DENND5B: variants seen among roughly 807,000 people sequenced by gnomAD.
The protein encoded by DENND5B is DENN domain-containing protein 5B.
Under a neutral mutation model 140.6 loss-of-function variants are expected in DENND5B, and 34 were observed. That is an observed-to-expected ratio of 0.24 (90% confidence interval 0.18 to 0.32). DENND5B has a LOEUF of 0.32. DENND5B is among the 10% of genes least tolerant of loss of function. The pLI is 1.00. For synonymous variants in DENND5B, 551 were observed against 562.1 expected (o/e 0.98, Z 0.28); for missense variants, 1,142 against 1,560.2 (o/e 0.73, Z 4.52).
chr12:31,587,668 C>T (rs1175338856), intron 1 of DENND5B, among the ~76,000 whole-genome samples: 2 of 149,330 alleles, frequency 1.3e-5, no homozygotes, highest in East Asian at 2.0e-4. Context: ...CTGCCTCAGC[C>T]TCCAGAGTAA....
chr12:31,556,407 G>A (rs1949282750), intron 1 of DENND5B, among the ~76,000 whole-genome samples: 1 of 151,770 alleles, frequency 6.6e-6, no homozygotes, highest in Non-Finnish European at 1.5e-5. Flanking sequence ...TCACATTGTT[G>A]GTCAGGCTGG....
At chr12:31,579,767 GAGGA>G (rs1565715623) in intron 1 of DENND5B, among the ~76,000 whole-genome samples, 2 of 135,396 alleles carry the variant, frequency 1.5e-5, no homozygotes, top group African/African-American at 5.4e-5. Context: ...GGGAGGAAGG[GAGGA>G]AGGAAGGAAG....
intron 6 of DENND5B, chr12:31,444,255 T>C (rs1322315734): frequency 6.6e-6 from 1 of 152,150 alleles, no homozygotes; most frequent in Non-Finnish European, 1.5e-5. Flanking sequence ...CAGTTTATGT[T>C]GCCCCTTTTC....
intron 4 of DENND5B, among the ~76,000 whole-genome samples, chr12:31,458,243 T>C (rs745431240): frequency 2.3e-4 from 35 of 152,188 alleles, no homozygotes; most frequent in Non-Finnish European, 4.3e-4. Context: ...CAAGCTGCCA[T>C]TTAAAAATCT....
rs1950597904 is a variant in DENND5B, at chr12:31,590,904, G to T, written c.-72C>A. ...GCTTTCTGCGGAGGCTGCCACCACC[G>T]CTCCGGCTGTGGTCTGTGCGCCCGC... On this transcript the variant is annotated 5_prime_UTR_variant, in exon 1 of 21. Coordinates refer to ENST00000389082, the MANE Select transcript of DENND5B (RefSeq NM_144973.4). The T allele has an allele frequency of 8.6e-7, 1 of 1,164,542 alleles. No individual in the cohort carries two copies. The highest frequency in any genetic ancestry group is 1.6e-5 in the African/African-American group (1 of 61,634). The allele number at this position is 1,164,542 out of a possible 1,614,324, so 72.1% of individuals were successfully genotyped here.
rs138187832 is a variant in DENND5B at position 31,506,348 on chromosome 12, A to C, written c.128-10429T>G. On this transcript the variant is annotated intron_variant, in intron 1 of 20. Transcript: ENST00000389082. ...CAGTGGGAGTGGAGAAGGAACAAAG[A>C]AATCTGTAACTGATTGTAATGAATT... 226 of 152,316 alleles carry C rather than the reference A, an allele frequency of 1.5e-3. 1 individual carries two copies. Among genetic ancestry groups the C allele is most frequent in the African/African-American group, 5.0e-3 (206 of 41,560 alleles). The allele number at this position is 152,316 out of a possible 1,614,324, so 9.4% of individuals were successfully genotyped here.
chr12:31,397,165 A>C (rs980870465), intron 17 of DENND5B, among the ~76,000 whole-genome samples: 3 of 152,200 alleles, frequency 2.0e-5, no homozygotes, highest in African/African-American at 7.2e-5. Flanking sequence ...ATATTCATAA[A>C]ATTCACTCCT....
intron 2 of DENND5B, among the ~76,000 whole-genome samples, chr12:31,482,716 A>G (rs534966983): frequency 6.6e-6 from 1 of 151,992 alleles, no homozygotes; most frequent in Non-Finnish European, 1.5e-5. Context: ...GTCAGAAAGT[A>G]ATTGTTTTGA....
At chr12:31,471,919 A>G (rs1356309801) in intron 3 of DENND5B, among the ~76,000 whole-genome samples, 1 of 152,124 alleles carries the variant, frequency 6.6e-6, no homozygotes, top group Non-Finnish European at 1.5e-5. Flanking sequence ...TTACCTTGAG[A>G]AGGGAGACTG....
In DENND5B at chr12:31,572,688, A is replaced by C. The variant is rs115147210; in HGVS notation, c.127+18018T>G. 9.5e-3 allele frequency among the ~76,000 whole-genome samples: 1,450 copies of C among 152,282 alleles called. 26 individuals are homozygous for C. Among genetic ancestry groups the C allele is most frequent in the African/African-American group, 0.033 (1,372 of 41,538 alleles). ...TGTTATCTAAAAAGTGCTTATTATA[A>C]GAAGGTTAAAGCACTGATTCTCTCT... On this transcript the variant is annotated intron_variant, in intron 1 of 20. Transcript: ENST00000389082.
intron 1 of DENND5B, among the ~76,000 whole-genome samples, chr12:31,545,074 T>A (rs1948811229): frequency 6.6e-6 from 1 of 152,080 alleles, no homozygotes; most frequent in Non-Finnish European, 1.5e-5. Context: ...AGCTTCTCAG[T>A]CCATTCATAA....
At chr12:31,534,693 C>A (rs747737124) in intron 1 of DENND5B, 40 of 270,052 alleles carry the variant, frequency 1.5e-4, no homozygotes, top group African/African-American at 8.7e-4. Flanking sequence ...TACTTAGACA[C>A]CTAAAATTAC....
intron 1 of DENND5B, among the ~76,000 whole-genome samples, chr12:31,519,927 T>C (rs2138992562): frequency 6.6e-6 from 1 of 152,312 alleles, no homozygotes; most frequent in East Asian, 1.9e-4. Context: ...AAAGAAACCC[T>C]GCACCTCACC....
At chr12:31,548,337 T>TG (rs1342451141) in intron 1 of DENND5B, among the ~76,000 whole-genome samples, 3 of 151,550 alleles carry the variant, frequency 2.0e-5, no homozygotes. Context: ...AAGGCTGCCG[T>TG]GAGCTGTGAT....
At chr12:31,495,512 G>A (rs972815600) in intron 2 of DENND5B, among the ~76,000 whole-genome samples, 6 of 151,474 alleles carry the variant, frequency 4.0e-5, no homozygotes, top group Non-Finnish European at 7.4e-5. Context: ...CCGAGTAGCT[G>A]GGATTACAGG....
chr12:31,587,709 C>T (rs1202630107), intron 1 of DENND5B, among the ~76,000 whole-genome samples: 3 of 152,088 alleles, frequency 2.0e-5, no homozygotes, highest in South Asian at 2.1e-4. Context: ...GCCACCACGC[C>T]CAGCTTTTTG....
chr12:31,564,588 TTATTATTA>T (rs1949570159), intron 1 of DENND5B, among the ~76,000 whole-genome samples: 1 of 147,594 alleles, frequency 6.8e-6, no homozygotes. Flanking sequence ...ATTATTATTA[TTATTATTA>T]TTATTATTTT....
In DENND5B at chr12:31,421,695, G is replaced by A. The variant is rs1461267962; in HGVS notation, c.2470+1902C>T. Among the ~76,000 whole-genome samples, 3 of 152,044 alleles carry A rather than the reference G, an allele frequency of 2.0e-5. No individual in the cohort carries two copies. In the East Asian group the frequency reaches 5.8e-4, roughly 29 times the overall value. ...CTCCTGAGTAGCTGGGATTACAGAT[G>A]CCCACCACCATGCCCGGCTAATTTT... On this transcript the variant is annotated intron_variant, in intron 11 of 20. Coordinates refer to ENST00000389082, the MANE Select transcript of DENND5B (RefSeq NM_144973.4).
chr12:31,488,322 G>GTTA (rs1463888219), intron 2 of DENND5B, among the ~76,000 whole-genome samples: 1 of 151,986 alleles, frequency 6.6e-6, no homozygotes, highest in Non-Finnish European at 1.5e-5. Flanking sequence ...CAGAAACATA[G>GTTA]TGACCACCAA....
Sources: gnomAD v4.1 joint callset for allele counts (sites outside exome capture counted in the v4.1 genomes callset) on GRCh38, gnomAD v4.1.1 for gene constraint, MANE v1.5 for transcripts, NCBI Gene and HGNC (gene_info 2026-07-23, HGNC 2026-07-21) for gene names.